The following CAMKMT variants were observed in gnomAD, a reference collection of about 807,000 sequenced individuals.
The protein encoded by CAMKMT is calmodulin-lysine N-methyltransferase, also known as CaM KMT.
In CAMKMT, 53 loss-of-function variants were observed where a neutral mutation model predicts 48.0. The ratio of observed to expected loss-of-function variants is 1.10; its 90% confidence interval spans 0.89 to 1.39. The LOEUF is 1.39. Among genes scored for constraint, CAMKMT ranks in the 40% most tolerant of loss-of-function variants. CAMKMT has a pLI of 0.00. For synonymous variants in CAMKMT, 165 were observed against 152.3 expected, an observed-to-expected ratio of 1.08 and a Z score of -0.61; for missense variants, 428 against 402.7, an observed-to-expected ratio of 1.06 and a Z score of -0.54.
chr2:44,720,966 A>T (rs1678431178), intron 7 of CAMKMT, among the ~76,000 whole-genome samples: 1 of 151,984 alleles, frequency 6.6e-6, no homozygotes, highest in Non-Finnish European at 1.5e-5. Context: ...TATATTTTCT[A>T]CTTCCATTAT....
chr2:44,519,302 C>G lies in CAMKMT; in HGVS notation c.376+128997C>G, dbSNP rs1230636875. ...GTTTATAAACAAACAGTGACATAAA[C>G]TTTTCCATTGGAACATATTTTGAAG... On this transcript the variant is annotated intron_variant, in intron 3 of 10. Transcript: ENST00000378494. 4.6e-5 allele frequency among the ~76,000 whole-genome samples: 7 copies of G among 152,266 alleles called. No homozygotes were observed. In the East Asian group the frequency reaches 1.2e-3, roughly 25 times the overall value.
chr2:44,621,281 A>AT (rs1558750192), intron 3 of CAMKMT, among the ~76,000 whole-genome samples: 10 of 151,070 alleles, frequency 6.6e-5, no homozygotes, highest in African/African-American at 2.5e-4. Context: ...AAAAAAAAAA[A>AT]AAAAGCATAA....
intron 8 of CAMKMT, among the ~76,000 whole-genome samples, chr2:44,752,016 A>G (rs150381370): frequency 1.3e-5 from 2 of 152,096 alleles, no homozygotes; most frequent in African/African-American, 2.4e-5. Flanking sequence ...CTATGACCCA[A>G]TACCTCCCAC....
At chr2:44,630,567 C>G (rs1197360348) in intron 3 of CAMKMT, among the ~76,000 whole-genome samples, 6 of 151,394 alleles carry the variant, frequency 4.0e-5, no homozygotes, top group Admixed American at 3.9e-4. Context: ...ACAAACAACC[C>G]CATCAAAAAG....
At chr2:44,487,336 A>G (rs1669262319) in intron 3 of CAMKMT, among the ~76,000 whole-genome samples, 2 of 152,154 alleles carry the variant, frequency 1.3e-5, no homozygotes, top group Admixed American at 1.3e-4. Context: ...AGAACTTTCT[A>G]GCAAAGTCAT....
intron 3 of CAMKMT, among the ~76,000 whole-genome samples, chr2:44,613,266 A>G (rs145593336): frequency 6.6e-6 from 1 of 152,208 alleles, no homozygotes. Flanking sequence ...CAGTTGTTAA[A>G]ATACTGAAAT....
In CAMKMT at chr2:44,751,672, G is replaced by T. The variant is rs1680159872; in HGVS notation, c.699-2383G>T. Among the ~76,000 whole-genome samples the T allele has an allele frequency of 5.9e-5, 9 of 152,168 alleles. No individual in the cohort carries two copies. The South Asian group carries it at 1.7e-3, about 28-fold the overall frequency. ...TATACTGTAACCTCCGTAAGGACAG[G>T]CATAGTGCCCCCTTCTTCCTTATCT... is the stretch of plus-strand genomic sequence containing the variant. On this transcript the variant is annotated intron_variant, in intron 8 of 10. Transcript: ENST00000378494.
intron 3 of CAMKMT, among the ~76,000 whole-genome samples, chr2:44,434,277 A>G (rs1260013959): frequency 6.6e-6 from 1 of 151,110 alleles, no homozygotes; most frequent in Admixed American, 6.6e-5. Flanking sequence ...AATATTTTAG[A>G]CTTTTAAAAA....
chr2:44,505,290 C>T (rs1272174563), intron 3 of CAMKMT, among the ~76,000 whole-genome samples: 3 of 152,062 alleles, frequency 2.0e-5, no homozygotes, highest in African/African-American at 7.2e-5. Context: ...CTACATGCTA[C>T]TCTTTGTTGG....
chr2:44,665,387 G>C (rs903436193), intron 3 of CAMKMT, among the ~76,000 whole-genome samples: 1 of 152,108 alleles, frequency 6.6e-6, no homozygotes, highest in Non-Finnish European at 1.5e-5. Flanking sequence ...AGGTTTTAAC[G>C]TGCAGCCATG....
At chr2:44,623,711 A>G (rs1175119241) in intron 3 of CAMKMT, among the ~76,000 whole-genome samples, 1 of 152,058 alleles carries the variant, frequency 6.6e-6, no homozygotes, top group Non-Finnish European at 1.5e-5. Context: ...AGTTTTAATG[A>G]ATGTATATAC....
chr2:44,422,870 C>A (rs1315257325), intron 3 of CAMKMT, among the ~76,000 whole-genome samples: 1 of 151,964 alleles, frequency 6.6e-6, no homozygotes, highest in Non-Finnish European at 1.5e-5. Flanking sequence ...ATACATAGAA[C>A]CAGTGAATTC....
intron 7 of CAMKMT, among the ~76,000 whole-genome samples, chr2:44,734,320 T>C (rs538346394): frequency 1.3e-5 from 2 of 152,352 alleles, no homozygotes; most frequent in East Asian, 3.8e-4. Context: ...CCAGGTTATT[T>C]AGAAGTATAT....
chr2:44,764,098 A>G (rs1167077651), intron 9 of CAMKMT, among the ~76,000 whole-genome samples: 1 of 152,156 alleles, frequency 6.6e-6, no homozygotes, highest in Non-Finnish European at 1.5e-5. Flanking sequence ...GTTTCACATA[A>G]AAATGAATTT....
At chr2:44,442,991 C>G (rs1273569524) in intron 3 of CAMKMT, among the ~76,000 whole-genome samples, 1 of 152,188 alleles carries the variant, frequency 6.6e-6, no homozygotes. Context: ...TGCTGCTTTT[C>G]TTTATCTTCT....
At chr2:44,696,685 C>G (rs554896164) in intron 3 of CAMKMT, among the ~76,000 whole-genome samples, 18 of 152,102 alleles carry the variant, frequency 1.2e-4, no homozygotes, top group African/African-American at 4.1e-4. Context: ...ACCCCACTCA[C>G]CTACACTCAG....
intron 4 of CAMKMT, 135 bp from the exon 5 acceptor site, chr2:44,706,152 C>A: frequency 1.4e-6 from 1 of 735,938 alleles, no homozygotes; most frequent in South Asian, 1.7e-5. Flanking sequence ...CATGAGGTAG[C>A]CTAGTCATGT....
intron 3 of CAMKMT, among the ~76,000 whole-genome samples, chr2:44,412,446 C>T (rs968372862): frequency 5.3e-5 from 8 of 152,140 alleles, no homozygotes; most frequent in Non-Finnish European, 1.2e-4. Context: ...AGCAATTCTC[C>T]TGCCTCGGCT....
At chr2:44,564,575 G>T (rs1160061022) in intron 3 of CAMKMT, among the ~76,000 whole-genome samples, 1 of 151,300 alleles carries the variant, frequency 6.6e-6, no homozygotes, top group African/African-American at 2.4e-5. Flanking sequence ...GCAGAGTTTT[G>T]CTCTTGTCAC....
Sources: gnomAD v4.1 joint callset for allele counts (sites outside exome capture counted in the v4.1 genomes callset) on GRCh38, gnomAD v4.1.1 for gene constraint, MANE v1.5 for transcripts, NCBI Gene and HGNC (gene_info 2026-07-23, HGNC 2026-07-21) for gene names.